The following STXBP5L variants were observed in gnomAD, a reference collection of about 807,000 sequenced individuals.
The protein encoded by STXBP5L is syntaxin binding protein 5L.
STXBP5L carries 65 observed loss-of-function variants against 144.5 expected under a neutral mutation model. The observed-to-expected ratio is 0.45, with a 90% CI of 0.37 to 0.55. STXBP5L has a LOEUF of 0.55. Among genes scored for constraint, STXBP5L ranks in the 20% least tolerant of loss-of-function variants. STXBP5L has a pLI of 0.00. For missense variants in STXBP5L, 1,298 were observed against 1,405.5 expected, an observed-to-expected ratio of 0.92 and a Z score of 1.22; for synonymous variants, 505 against 469.6, an observed-to-expected ratio of 1.08 and a Z score of -0.97.
intron 3 of STXBP5L, among the ~76,000 whole-genome samples, chr3:121,036,384 T>C (rs1479470822): frequency 2.0e-5 from 3 of 152,136 alleles, no homozygotes; most frequent in Non-Finnish European, 4.4e-5. Context: ...TTCAGTAATA[T>C]TTTATGGCTT....
rs149575668 is a variant in STXBP5L, at chr3:120,937,498, G to A, written c.190-17442G>A. 4.6e-5 allele frequency among the ~76,000 whole-genome samples: 7 copies of A among 152,200 alleles called. No homozygotes were observed. The East Asian group carries it at 1.2e-3, about 25-fold the overall frequency. On this transcript the variant is annotated intron_variant, in intron 2 of 26. Coordinates refer to ENST00000471454, the MANE Select transcript of STXBP5L (RefSeq NM_001308330.2). ...CTCGAACCCTGTTACTGCTTCCCAC[G>A]CGGAAGTTTCTGTCCTTAGGTTTCT...
chr3:121,371,339 C>A (rs1165977829), intron 20 of STXBP5L, among the ~76,000 whole-genome samples: 1 of 152,182 alleles, frequency 6.6e-6, no homozygotes, highest in South Asian at 2.1e-4. Context: ...TCCTTTCAGG[C>A]CTTGCCTTTG....
chr3:120,967,217 G>A (rs1193914667), intron 3 of STXBP5L, among the ~76,000 whole-genome samples: 1 of 152,096 alleles, frequency 6.6e-6, no homozygotes, highest in Non-Finnish European at 1.5e-5. Flanking sequence ...GCTTCCCTTG[G>A]CTAGGAAAGG....
At chr3:121,101,618 C>A (rs2043430959) in intron 5 of STXBP5L, among the ~76,000 whole-genome samples, 1 of 151,976 alleles carries the variant, frequency 6.6e-6, no homozygotes, top group Non-Finnish European at 1.5e-5. Flanking sequence ...AAACACATAG[C>A]CAATATCATA....
chr3:121,185,326 C>A (rs1209965575), intron 9 of STXBP5L, among the ~76,000 whole-genome samples: 1 of 152,122 alleles, frequency 6.6e-6, no homozygotes, highest in Non-Finnish European at 1.5e-5. Flanking sequence ...TCAATTTTGG[C>A]TTTTATTGCC....
In STXBP5L at chr3:121,374,424, A is replaced by C. The variant is rs72969922; in HGVS notation, c.2177-4292A>C. 8.0e-3 allele frequency among the ~76,000 whole-genome samples: 1,212 copies of C among 152,296 alleles called. 26 individuals carry two copies. The highest frequency in any genetic ancestry group is 0.028 in the African/African-American group (1,155 of 41,548). ...AAATCAAGAAAACATGATACCTCCA[A>C]AGGAACACAATAATTCTCCAATAAC... is the stretch of plus-strand genomic sequence containing the variant. On this transcript the variant is annotated intron_variant, in intron 20 of 26. Coordinates refer to ENST00000471454, the MANE Select transcript of STXBP5L (RefSeq NM_001308330.2).
intron 19 of STXBP5L, among the ~76,000 whole-genome samples, chr3:121,282,765 G>T (rs1002832146): frequency 6.6e-6 from 1 of 151,830 alleles, no homozygotes; most frequent in East Asian, 1.9e-4. Context: ...CACAATATTT[G>T]CTTCTTTTAA....
At chr3:121,255,821 A>C (rs1055026910) in intron 16 of STXBP5L, among the ~76,000 whole-genome samples, 2 of 152,068 alleles carry the variant, frequency 1.3e-5, no homozygotes, top group African/African-American at 4.8e-5. Flanking sequence ...ATTTTATGGG[A>C]TAAATTAATT....
At chr3:121,190,623 G>A (rs534788971) in intron 9 of STXBP5L, among the ~76,000 whole-genome samples, 1 of 151,970 alleles carries the variant, frequency 6.6e-6, no homozygotes, top group Admixed American at 6.5e-5. Context: ...CTTCCCAGAC[G>A]GGGCAGCCAG....
At chr3:121,377,614 A>G (rs1164984250) in intron 20 of STXBP5L, among the ~76,000 whole-genome samples, 2 of 152,238 alleles carry the variant, frequency 1.3e-5, no homozygotes, top group Non-Finnish European at 2.9e-5. Flanking sequence ...AATCAAAACC[A>G]CAATGAGATA....
chr3:121,144,876 G>C (rs2045654712), intron 7 of STXBP5L, among the ~76,000 whole-genome samples: 1 of 151,908 alleles, frequency 6.6e-6, no homozygotes, highest in South Asian at 2.1e-4. Context: ...AAACCTGGAG[G>C]ATATTATGTG....
At chr3:121,003,922 T>A (rs560343259) in intron 3 of STXBP5L, among the ~76,000 whole-genome samples, 5 of 152,356 alleles carry the variant, frequency 3.3e-5, no homozygotes, top group African/African-American at 1.2e-4. Flanking sequence ...TCTGTTTTGG[T>A]ACCAGTACCA....
intron 19 of STXBP5L, among the ~76,000 whole-genome samples, chr3:121,299,871 C>G (rs2051816547): frequency 1.3e-5 from 2 of 150,800 alleles, no homozygotes; most frequent in Admixed American, 6.6e-5. Flanking sequence ...GTCCCAGCTA[C>G]TTGCAAGGCT....
intron 19 of STXBP5L, among the ~76,000 whole-genome samples, chr3:121,312,892 C>G (rs1465282707): frequency 6.6e-6 from 1 of 152,210 alleles, no homozygotes; most frequent in Non-Finnish European, 1.5e-5. Context: ...CATCCGATTT[C>G]TCAATTCTTT....
intron 20 of STXBP5L, among the ~76,000 whole-genome samples, chr3:121,330,491 C>G (rs754540623): frequency 6.6e-6 from 1 of 152,198 alleles, no homozygotes; most frequent in South Asian, 2.1e-4. Flanking sequence ...ACCCTAATGG[C>G]TTAACACAAA....
In STXBP5L at chr3:120,908,254, C is replaced by G. The variant is rs1708631553; in HGVS notation, c.-89C>G. The G allele has an allele frequency of 6.6e-6, 1 of 152,362 alleles. No individual in the cohort carries two copies. The highest frequency in any genetic ancestry group is 1.5e-5 in the Non-Finnish European group (1 of 68,154). 9.4% of individuals were successfully genotyped at this position (152,362 alleles called of 1,614,324 possible). On this transcript the variant is annotated 5_prime_UTR_variant, in exon 1 of 27. Transcript: ENST00000471454. ...AGCGCCAGGCGCCGCGACCAGAGGG[C>G]CCAGAGAAGCGGCCGGAGCCCGCCT...
At chr3:121,300,316 G>A (rs1052112711) in intron 19 of STXBP5L, among the ~76,000 whole-genome samples, 3 of 151,974 alleles carry the variant, frequency 2.0e-5, no homozygotes, top group African/African-American at 7.2e-5. Context: ...AAAAAACGAT[G>A]GAAAATTAGG....
chr3:121,100,016 A>G (rs2043331416), intron 5 of STXBP5L, among the ~76,000 whole-genome samples: 2 of 152,352 alleles, frequency 1.3e-5, no homozygotes, highest in Non-Finnish European at 2.9e-5. Flanking sequence ...GACATTACAT[A>G]ATGATAAAGG....
intron 3 of STXBP5L, among the ~76,000 whole-genome samples, chr3:120,958,979 G>A (rs1028057809): frequency 5.9e-5 from 9 of 152,110 alleles, no homozygotes; most frequent in Admixed American, 2.0e-4. Context: ...CTGTTTGCAG[G>A]TGACATGATT....
Sources: gnomAD v4.1 joint callset for allele counts (sites outside exome capture counted in the v4.1 genomes callset) on GRCh38, gnomAD v4.1.1 for gene constraint, MANE v1.5 for transcripts, NCBI Gene and HGNC (gene_info 2026-07-23, HGNC 2026-07-21) for gene names.